Variants in CENPF observed in about 807,000 individuals in gnomAD.
CENPF encodes AH antigen.
In CENPF, 214 loss-of-function variants were observed where a neutral mutation model predicts 307.3. That is an observed-to-expected ratio of 0.70 (90% CI 0.62 to 0.78). CENPF has a LOEUF of 0.78. Among genes scored for constraint, CENPF ranks in the 30% least tolerant of loss-of-function variants. The probability of loss-of-function intolerance (pLI) is 0.00; values close to 1 mark genes in which losing one functional copy is unlikely to be tolerated. For missense variants in CENPF, 3,401 were observed against 3,483.9 expected (o/e 0.98, Z 0.60); for synonymous variants, 1,259 against 1,270.6 (o/e 0.99, Z 0.19).
In CENPF at chr1:214,627,476, T is replaced by C. The variant is rs557790535; in HGVS notation, c.1069-1570T>C. Among the ~76,000 whole-genome samples, 209 of 147,570 alleles carry C rather than the reference T, an allele frequency of 1.4e-3. 2 individuals carry two copies. Among genetic ancestry groups the C allele is most frequent in the African/African-American group, 5.1e-3 (202 of 39,496 alleles). ...GCAACCTCCGCCTCCTGGGTTCAAG[T>C]GATTCTCCTGTCTCAGCCTCCTGGG... On this transcript the variant is annotated intron_variant, in intron 7 of 19. Transcript: ENST00000366955.
chr1:214,606,657 C>T (rs932396258), intron 1 of CENPF, among the ~76,000 whole-genome samples: 8 of 140,984 alleles, frequency 5.7e-5, no homozygotes, highest in Middle Eastern at 3.8e-3. Flanking sequence ...CATCGAGGGT[C>T]GTGGCTGCGG....
At position 214,615,121 on chromosome 1, in the gene CENPF, T is replaced by C. The variant is rs553577245; in HGVS notation, c.359+93T>C. On this transcript the variant is annotated intron_variant, in intron 3 of 19. Coordinates refer to ENST00000366955, the MANE Select transcript of CENPF (RefSeq NM_016343.4). ...CCTTTAACAATATAATTATTATACTTTGCAATTTTTTTTCCTGGTAGAATA... is the reference window on the plus strand; with the variant it reads ...CCTTTAACAATATAATTATTATACTCTGCAATTTTTTTTCCTGGTAGAATA... 5.4e-5 allele frequency: 46 copies of C among 851,644 alleles called. No individual in the cohort carries two copies. In the African/African-American group the frequency reaches 6.8e-4, roughly 13 times the overall value. The allele number at this position is 851,644 out of a possible 1,614,324, so 52.8% of individuals were successfully genotyped here. A position where few individuals can be genotyped will look rare whatever the true frequency, so the allele number is the denominator to read the frequency against.
rs1169464000 is a variant in CENPF, at chr1:214,645,966, A to T, written c.6396A>T (p.Glu2132Asp). ...EKLRVRIEAD[E>D]KKQLHIAEKL... ...TGAGAGTTCGCATTGAGGCCGATGA[A>T]AAGAAGCAGCTGCACATCGCAGAGA... Residue 2132 changes from glutamate to aspartate, a missense_variant, in exon 13 of 20, where the codon GAA becomes GAT. Glu to Asp is a conservative substitution (Grantham distance 45). Coordinates refer to ENST00000366955, the MANE Select transcript of CENPF (RefSeq NM_016343.4). 1 of 1,614,054 alleles carries T rather than the reference A, an allele frequency of 6.2e-7. No homozygotes were observed. Among genetic ancestry groups the T allele is most frequent in the Admixed American group, 1.7e-5 (1 of 60,008 alleles).
chr1:214,663,493 A>G lies in CENPF; in HGVS notation c.9142-98A>G, dbSNP rs996475050. ...CAATTATATATAACTCCTAGAGAAG[A>G]AGAACTTAATTTAAAACTTAGTGAC... On this transcript the variant is annotated intron_variant, in intron 19 of 19. Transcript: ENST00000366955. The G allele has an allele frequency of 3.6e-5, 42 of 1,176,364 alleles. No homozygotes were observed. The African/African-American group carries it at 4.0e-4, about 11-fold the overall frequency. The allele number at this position is 1,176,364 out of a possible 1,614,324, so 72.9% of individuals were successfully genotyped here.
rs1658726146 is a variant in CENPF at position 214,659,156 on chromosome 1, G to A, written c.9141+128G>A. ...AAAAGTCTGACCTTCTTGGTGTGGT[G>A]TAAGTCAGTCAGTAGTGAGCAAGTG... On this transcript the variant is annotated intron_variant, in intron 19 of 19. Coordinates refer to ENST00000366955, the MANE Select transcript of CENPF (RefSeq NM_016343.4). The surrounding 1 kb of genome is among the most constrained non-coding windows in gnomAD (Gnocchi z 4.4). 3.3e-6 allele frequency: 3 copies of A among 904,532 alleles called. No homozygotes were observed. The highest frequency in any genetic ancestry group is 1.7e-5 in the African/African-American group (1 of 60,330). 56.0% of individuals were successfully genotyped at this position (904,532 alleles called of 1,614,324 possible).
At chr1:214,634,120 C>T (rs1657885758) in intron 10 of CENPF, among the ~76,000 whole-genome samples, 1 of 152,210 alleles carries the variant, frequency 6.6e-6, no homozygotes, top group African/African-American at 2.4e-5. Context: ...GCGCTGTCCT[C>T]AGTTAATCCC....
intron 1 of CENPF, 159 bp downstream of exon 1, chr1:214,603,480 A>G (rs911471336): frequency 1.3e-5 from 2 of 151,872 alleles, no homozygotes; most frequent in Non-Finnish European, 2.9e-5. Flanking sequence ...GCCCCCTCCC[A>G]CCCGACCGAA....
chr1:214,617,051 T>C (rs1045697968), intron 3 of CENPF, among the ~76,000 whole-genome samples: 2 of 150,134 alleles, frequency 1.3e-5, no homozygotes, highest in East Asian at 3.9e-4. Context: ...CTTTTTCTTT[T>C]TCTTTTTTTC....
chr1:214,605,788 C>T (rs1657009400), intron 1 of CENPF: 2 of 1,591,264 alleles, frequency 1.3e-6, no homozygotes, highest in East Asian at 2.2e-5. Flanking sequence ...GCGGCTCCAC[C>T]GCCTTGGGGC....
chr1:214,609,137 C>T (rs983140844), intron 1 of CENPF, among the ~76,000 whole-genome samples: 15 of 151,908 alleles, frequency 9.9e-5, no homozygotes, highest in African/African-American at 3.6e-4. Context: ...GGCCGCCTGC[C>T]CGTGCGTCCG....
chr1:214,616,871 TTCTTTCTTTCTTTC>T (rs1657361203), intron 3 of CENPF, among the ~76,000 whole-genome samples: 2 of 91,788 alleles, frequency 2.2e-5, no homozygotes, highest in Non-Finnish European at 4.5e-5. Context: ...CTTTCTTTCT[TTCTTTCTTTCTTTC>T]TTTCTTTCTT....
In CENPF at chr1:214,645,665, A is replaced by T; in HGVS notation, c.6095A>T (p.His2032Leu). ...AGTGAGCTGTTAAAAGACAAAACTC[A>T]TCTCCAGGAAAAGCTGCAGAGTTTG... ...DVSELLKDKT[H>L]LQEKLQSLEK... The change falls in exon 13 of 20, where the codon CAT becomes CTT. Residue 2032 changes from histidine to leucine, a missense_variant. Physicochemically the swap from His to Leu is moderately conservative, Grantham distance 99 (BLOSUM62 -3). Coordinates refer to ENST00000366955, the MANE Select transcript of CENPF (RefSeq NM_016343.4). 2 of 1,614,174 alleles carry T rather than the reference A, an allele frequency of 1.2e-6. No homozygotes were observed. Among genetic ancestry groups the T allele is most frequent in the Non-Finnish European group, 1.7e-6 (2 of 1,180,002 alleles).
In CENPF at chr1:214,652,944, A is replaced by C. The variant is rs1658529186; in HGVS notation, c.8277A>C (p.Ser2759=). ...LKSSKEELNN[S]LKATTQILEE... is the part of the protein sequence containing the mutation. ...CTAGTAAAGAAGAGCTCAATAATTC[A>C]TTGAAAGCTACTACTCAGATTTTGG... The change falls in exon 16 of 20, where the codon TCA becomes TCC. Residue 2759 remains serine (S), a synonymous_variant. Coordinates refer to ENST00000366955, the MANE Select transcript of CENPF (RefSeq NM_016343.4). The C allele has an allele frequency of 6.2e-7, 1 of 1,607,098 alleles. No individual in the cohort carries two copies. The highest frequency in any genetic ancestry group is 8.5e-7 in the Non-Finnish European group (1 of 1,178,010).
chr1:214,631,964 C>T (rs1657820880), intron 9 of CENPF, among the ~76,000 whole-genome samples: 1 of 152,142 alleles, frequency 6.6e-6, no homozygotes, highest in Non-Finnish European at 1.5e-5. Flanking sequence ...AAAATACTGT[C>T]ATATCATTGT....
rs1282847088 is a variant in CENPF at position 214,663,678 on chromosome 1, G to A, written c.9229G>A (p.Glu3077Lys). The A allele has an allele frequency of 6.2e-7, 1 of 1,614,024 alleles. No homozygotes were observed. The highest frequency in any genetic ancestry group is 8.5e-7 in the Non-Finnish European group (1 of 1,180,016). The change falls in exon 20 of 20, where the codon GAG (glutamate) becomes AAG (lysine). Residue 3077 changes from glutamate (E) to lysine (K), a missense_variant. By Grantham distance (56) the Glu-to-Lys change is moderately conservative (BLOSUM62 1). Transcript: ENST00000366955. ...ATCCGTCCCAGTCAATAATCTTCCT[G>A]AGAGAAGTCCGACTGACAGCCCCAG... The part of the protein sequence containing the change: ...TKSVPVNNLP[E>K]RSPTDSPREG...
rs1230006376 is a variant in CENPF at position 214,659,446 on chromosome 1, T to C, written c.9141+418T>C. ...TGTTTTTATTAATCCTTTACTTTCT[T>C]AAAAAAAAAAAAAGCACATATTTCA... On this transcript the variant is annotated intron_variant, in intron 19 of 19. Transcript: ENST00000366955. This position sits in a 1 kb window ranked among gnomAD's most constrained non-coding sequence, Gnocchi z 4.4. Among the ~76,000 whole-genome samples the C allele has an allele frequency of 7.0e-6, 1 of 142,636 alleles. No homozygotes were observed. Among genetic ancestry groups the C allele is most frequent in the East Asian group, 2.0e-4 (1 of 4,938 alleles). The allele number at this position is 142,636 out of a possible 152,430, so 93.6% of individuals were successfully genotyped here.
rs141158319 is a variant in CENPF at position 214,610,751 on chromosome 1, A to C, written c.-41-2963A>C. On this transcript the variant is annotated intron_variant, in intron 1 of 19. Transcript: ENST00000366955. ...GCTCTTAGTGTCTTTGTCATGAAATATTTGCCCATTCCTGTGTCCGGGATG... is the reference window on the plus strand; with the variant it reads ...GCTCTTAGTGTCTTTGTCATGAAATCTTTGCCCATTCCTGTGTCCGGGATG... 1.4e-3 allele frequency among the ~76,000 whole-genome samples: 211 copies of C among 152,020 alleles called. 2 individuals are homozygous for C. The highest frequency in any genetic ancestry group is 4.9e-3 in the African/African-American group (204 of 41,480).
intron 13 of CENPF, 114 bp from the exon 14 acceptor site, chr1:214,648,561 T>C: frequency 8.3e-7 from 1 of 1,200,968 alleles, no homozygotes; most frequent in Non-Finnish European, 1.2e-6. Context: ...TTAGCCAGCT[T>C]CCATTTTATG....
At position 214,644,620 on chromosome 1, in the gene CENPF, A is replaced by G. The variant is rs1658228027; in HGVS notation, c.5050A>G (p.Arg1684Gly). ...SKEHTSETTE[R>G]TPKHDVHQIC... ...AGAACATACTTCAGAAACTACAGAA[A>G]GAACACCAAAGCATGATGTTCATCA... The change falls in exon 13 of 20, where the codon AGA (arginine) becomes GGA (glycine). Residue 1684 changes from arginine (R) to glycine (G), a missense_variant. Coordinates refer to ENST00000366955, the MANE Select transcript of CENPF (RefSeq NM_016343.4). 6.2e-7 allele frequency: 1 copy of G among 1,613,810 alleles called. No individual in the cohort carries two copies. The highest frequency in any genetic ancestry group is 8.5e-7 in the Non-Finnish European group (1 of 1,179,858).
Sources: allele counts gnomAD v4.1 joint callset (sites outside exome capture counted in the v4.1 genomes callset), GRCh38; gene constraint gnomAD v4.1.1; non-coding constraint Gnocchi (gnomAD v3.1); transcripts MANE v1.5; gene names NCBI Gene and HGNC (gene_info 2026-07-23, HGNC 2026-07-21).